The following PCDHA3 variants were observed in gnomAD, a reference collection of about 807,000 sequenced individuals.
PCDHA3 encodes the protein protocadherin alpha-3.
Under a neutral mutation model 62.2 loss-of-function variants are expected in PCDHA3, and 41 were observed. The ratio of observed to expected loss-of-function variants is 0.66; its 90% CI spans 0.51 to 0.86. The LOEUF (loss-of-function observed/expected upper bound fraction) is 0.86. PCDHA3 is among the 40% of genes least tolerant of loss of function. The pLI is 0.00. For synonymous variants in PCDHA3, 640 were observed against 555.4 expected (o/e 1.15, Z -2.14); for missense variants, 1,304 against 1,241.2 (o/e 1.05, Z -0.76).
chr5:140,980,313 C>G (rs904282752), intron 2 of PCDHA3, among the ~76,000 whole-genome samples: 7 of 152,166 alleles, frequency 4.6e-5, no homozygotes, highest in Admixed American at 3.9e-4. Context: ...GCCTTAAAAA[C>G]TACATTTGAA....
intron 1 of PCDHA3, chr5:140,857,825 G>T: frequency 3.8e-6 from 6 of 1,597,886 alleles, no homozygotes; most frequent in Non-Finnish European, 3.4e-6. Flanking sequence ...GGTGGCTAAG[G>T]TGCGCGCAGT....
chr5:140,989,733 C>T (rs31874), intron 3 of PCDHA3, among the ~76,000 whole-genome samples: 120,660 of 152,102 alleles, frequency 0.79, 48,852 homozygotes, highest in East Asian at 0.98. Context: ...GTTGAAAAGG[C>T]CATTGCCTAA....
chr5:140,870,385 G>A, intron 1 of PCDHA3: 1 of 1,614,240 alleles, frequency 6.2e-7, no homozygotes. Context: ...GACTGCGCGG[G>A]ATGGGGGTTC....
chr5:140,851,914 A>C (rs1213624827), intron 1 of PCDHA3: 2 of 969,578 alleles, frequency 2.1e-6, no homozygotes, highest in East Asian at 2.3e-4. Context: ...ATGTCACTAC[A>C]TGTTATGTTT....
At chr5:140,844,920 G>A (rs1554140772) in intron 1 of PCDHA3, among the ~76,000 whole-genome samples, 1 of 149,212 alleles carries the variant, frequency 6.7e-6, no homozygotes, top group Non-Finnish European at 1.5e-5. Context: ...AGAAATTGAT[G>A]GAAGGGAATG....
chr5:140,937,197 C>T (rs1228010742), intron 1 of PCDHA3, among the ~76,000 whole-genome samples: 2 of 151,938 alleles, frequency 1.3e-5, no homozygotes, highest in African/African-American at 2.4e-5. Flanking sequence ...GCCACCATGC[C>T]CGGCTAATTT....
rs2150223480 is a variant in PCDHA3 at position 140,834,653 on chromosome 5, C to A, written c.2394+31062C>A. 5.0e-6 allele frequency: 8 copies of A among 1,614,072 alleles called. No individual in the cohort carries two copies. The Admixed American group carries it at 1.3e-4, about 27-fold the overall frequency. On this transcript the variant is annotated intron_variant, in intron 1 of 3. Coordinates refer to ENST00000522353, the MANE Select transcript of PCDHA3 (RefSeq NM_018906.3). The stretch of plus-strand genomic sequence containing the variant: ...GCATTTTGTTTGTGAATTCTCGGAT[C>A]GACCGCGAGGAGCTGTGCGGGCGGA...
chr5:140,828,082 G>T (rs369653273), intron 1 of PCDHA3: 1 of 1,582,914 alleles, frequency 6.3e-7, no homozygotes, highest in Non-Finnish European at 8.6e-7. Flanking sequence ...TAAAACCAGA[G>T]GTATTTGACA....
chr5:140,961,025 C>G (rs1283958205), intron 1 of PCDHA3, among the ~76,000 whole-genome samples: 1 of 152,150 alleles, frequency 6.6e-6, no homozygotes, highest in African/African-American at 2.4e-5. Context: ...CACTTGCTAC[C>G]TCCTTGTTTT....
rs370989006 is a variant in PCDHA3 at position 141,009,739 on chromosome 5, C to T, written c.2655C>T (p.Pro885=). The change falls in exon 4 of 4, where the codon CCC becomes CCT. Residue 885 remains proline (P), a synonymous_variant. Transcript: ENST00000522353. ...AACAATCCGGTCCCGGTGAGTTGCC[C>T]GACAAATTCATTATCCCAGGATCTC... ...NPKQSGPGEL[P]DKFIIPGSPA... is the part of the protein sequence containing the mutation. 55 of 1,614,008 alleles carry T rather than the reference C, an allele frequency of 3.4e-5. No homozygotes were observed. Among genetic ancestry groups the T allele is most frequent in the African/African-American group, 2.4e-4 (18 of 74,972 alleles).
chr5:140,983,270 GGGT>G (rs1349296894), intron 3 of PCDHA3, among the ~76,000 whole-genome samples: 4 of 152,152 alleles, frequency 2.6e-5, no homozygotes, highest in Non-Finnish European at 2.9e-5. Flanking sequence ...CCTAATGGCT[GGGT>G]GAGTATAGGA....
chr5:140,836,577 T>C lies in PCDHA3; in HGVS notation c.2394+32986T>C. ...CTCAGCGCCGTCCTCTGAGGGCGCA[T>C]GTAGTTTGGTAAAGCCCACTCTGGT... is the stretch of plus-strand genomic sequence containing the variant. On this transcript the variant is annotated intron_variant, in intron 1 of 3. Transcript: ENST00000522353. 1 of 1,613,654 alleles carries C rather than the reference T, an allele frequency of 6.2e-7. No homozygotes were observed. The highest frequency in any genetic ancestry group is 8.5e-7 in the Non-Finnish European group (1 of 1,179,798).
intron 1 of PCDHA3, among the ~76,000 whole-genome samples, chr5:140,833,310 T>C (rs1772401616): frequency 6.6e-6 from 1 of 152,138 alleles, no homozygotes; most frequent in Non-Finnish European, 1.5e-5. Context: ...CATAATTATT[T>C]TACATGCCAT....
chr5:140,809,005 G>T, intron 1 of PCDHA3: 1 of 1,613,694 alleles, frequency 6.2e-7, no homozygotes, highest in Non-Finnish European at 8.5e-7. Flanking sequence ...ACAACGCGTG[G>T]CTTTCGTACG....
chr5:140,997,557 A>G lies in PCDHA3; in HGVS notation c.2543-12070A>G, dbSNP rs1392974918. On this transcript the variant is annotated intron_variant, in intron 3 of 3. Coordinates refer to ENST00000522353, the MANE Select transcript of PCDHA3 (RefSeq NM_018906.3). ...TACATTATTATAATCTTACAGGACA[A>G]CTGTCATATGTGTGGTCCGTTGTTG... is the stretch of plus-strand genomic sequence containing the variant. Among the ~76,000 whole-genome samples, 15 of 152,262 alleles carry G rather than the reference A, an allele frequency of 9.9e-5. No individual in the cohort carries two copies. In the South Asian group the frequency reaches 1.2e-3, roughly 13 times the overall value.
At chr5:140,830,278 G>A (rs1364001637) in intron 1 of PCDHA3, 3 of 1,613,714 alleles carry the variant, frequency 1.9e-6, no homozygotes, top group African/African-American at 1.3e-5. Context: ...CACCCACCGA[G>A]GGCGCGTGCA....
intron 1 of PCDHA3, chr5:140,836,937 G>T: frequency 2.1e-6 from 1 of 469,842 alleles, no homozygotes; most frequent in Non-Finnish European, 3.6e-6. Context: ...TAATACTATA[G>T]ATCAAAATCT....
In PCDHA3 at chr5:140,803,317, T is replaced by C; in HGVS notation, c.2120T>C (p.Val707Ala). The change falls in exon 1 of 4, where the codon GTG becomes GCG. Residue 707 changes from valine to alanine, a missense_variant. By Grantham distance (64) the Val-to-Ala change is moderately conservative. Transcript: ENST00000522353. ...NVYLIVAICA[V>A]SSLLVLTLLL... ...TACTTGATCGTCGCCATCTGCGCGG[T>C]GTCCAGTCTGTTGGTGCTCACACTG... 6.2e-7 allele frequency: 1 copy of C among 1,614,124 alleles called. No individual in the cohort carries two copies. The highest frequency in any genetic ancestry group is 8.5e-7 in the Non-Finnish European group (1 of 1,179,996).
intron 1 of PCDHA3, among the ~76,000 whole-genome samples, chr5:140,950,804 A>G (rs1360919239): frequency 6.6e-6 from 1 of 152,090 alleles, no homozygotes; most frequent in African/African-American, 2.4e-5. Context: ...GTCTGGTTTT[A>G]CCATAGTAGG....
Sources: gnomAD v4.1 joint callset for allele counts (sites outside exome capture counted in the v4.1 genomes callset) on GRCh38, gnomAD v4.1.1 for gene constraint, MANE v1.5 for transcripts, NCBI Gene and HGNC (gene_info 2026-07-23, HGNC 2026-07-21) for gene names.